The following COL23A1 variants were observed in gnomAD, a reference collection of about 807,000 sequenced individuals.
The protein encoded by COL23A1 is collagen alpha-1(XXIII) chain.
COL23A1 carries 97 observed loss-of-function variants against 99.3 expected under a neutral mutation model. That is an observed-to-expected ratio of 0.98 (90% CI 0.83 to 1.16). The LOEUF (loss-of-function observed/expected upper bound fraction) is 1.16, where lower values mean the gene tolerates loss of function less well. Ranked by LOEUF, COL23A1 falls within the 50% of genes most tolerant of loss-of-function variation. The probability of loss-of-function intolerance (pLI) is 0.00; values close to 1 mark genes in which losing one functional copy is unlikely to be tolerated. For synonymous variants in COL23A1, 320 were observed against 308.2 expected (o/e 1.04, Z -0.40); for missense variants, 762 against 757.4 (o/e 1.01, Z -0.07).
chr5:178,239,236 C>T (rs1019995099), intron 27 of COL23A1, 57 bp from the exon 28 acceptor site: 21 of 1,582,766 alleles, frequency 1.3e-5, no homozygotes, highest in Admixed American at 3.3e-5. Flanking sequence ...TCCTCTACAC[C>T]CCACATGCCC....
At chr5:178,264,321 T>C (rs1406146888) in intron 8 of COL23A1, among the ~76,000 whole-genome samples, 1 of 142,890 alleles carries the variant, frequency 7.0e-6, no homozygotes, top group Non-Finnish European at 1.5e-5. Flanking sequence ...AATCTACAAT[T>C]ATCTCAAAAT....
In COL23A1 at chr5:178,565,938, C is replaced by A. The variant is rs577034330; in HGVS notation, c.295-5190G>T. Among the ~76,000 whole-genome samples, 51 of 149,728 alleles carry A rather than the reference C, an allele frequency of 3.4e-4. 1 individual carries two copies. The South Asian group carries it at 9.0e-3, about 26-fold the overall frequency. The stretch of plus-strand genomic sequence containing the variant: ...GACTAGCCTGGCCAAAATGGTGAAA[C>A]CCCATCTCTACTAAAAAAAATACAA... On this transcript the variant is annotated intron_variant, in intron 1 of 28. Transcript: ENST00000390654.
rs1764140828 is a variant in COL23A1 at position 178,589,157 on chromosome 5, A to G, written c.294+747T>C. ...CAATCTTAACCCTTAGAAGTGTCAC[A>G]GAGCCTCATATGAGCTTTCAAGTAA... is the stretch of plus-strand genomic sequence containing the variant. On this transcript the variant is annotated intron_variant, in intron 1 of 28. Coordinates refer to ENST00000390654, the MANE Select transcript of COL23A1 (RefSeq NM_173465.4). This position sits in a 1 kb window ranked among gnomAD's most constrained non-coding sequence, Gnocchi z 5.4. 6.6e-6 allele frequency among the ~76,000 whole-genome samples: 1 copy of G among 152,220 alleles called. No individual in the cohort carries two copies. The highest frequency in any genetic ancestry group is 2.4e-5 in the African/African-American group (1 of 41,446).
At chr5:178,291,418 A>ATGGAGGCC (rs1411159119) in intron 3 of COL23A1, among the ~76,000 whole-genome samples, 2 of 152,244 alleles carry the variant, frequency 1.3e-5, no homozygotes, top group African/African-American at 4.8e-5. Flanking sequence ...CATGCATAGC[A>ATGGAGGCC]CAAGGGCCCT....
At chr5:178,285,070 C>T (rs1426184554) in intron 5 of COL23A1, among the ~76,000 whole-genome samples, 1 of 152,218 alleles carries the variant, frequency 6.6e-6, no homozygotes, top group Non-Finnish European at 1.5e-5. Context: ...GACAGGCCAG[C>T]CTCTGTACAC....
intron 2 of COL23A1, among the ~76,000 whole-genome samples, chr5:178,326,936 T>C (rs1759712953): frequency 6.6e-6 from 1 of 152,226 alleles, no homozygotes; most frequent in Admixed American, 6.5e-5. Context: ...GTCAGGCTGG[T>C]CTCGAACTCC....
rs554109960 is a variant in COL23A1, at chr5:178,287,852, T to C, written c.441+472A>G. Among the ~76,000 whole-genome samples, 126 of 152,316 alleles carry C rather than the reference T, an allele frequency of 8.3e-4. 2 individuals are homozygous for C. The highest frequency in any genetic ancestry group is 2.8e-3 in the African/African-American group (118 of 41,556). On this transcript the variant is annotated intron_variant, in intron 5 of 28. Coordinates refer to ENST00000390654, the MANE Select transcript of COL23A1 (RefSeq NM_173465.4). ...CACTTGGCCGGGGCTAGGACATCTATCCCAGGAATGCGCTAGCTTTTGGGT... is the reference window on the plus strand; with the variant it reads ...CACTTGGCCGGGGCTAGGACATCTACCCCAGGAATGCGCTAGCTTTTGGGT...
At chr5:178,394,005 C>T (rs1398265542) in intron 2 of COL23A1, among the ~76,000 whole-genome samples, 1 of 152,196 alleles carries the variant, frequency 6.6e-6, no homozygotes, top group South Asian at 2.1e-4. Context: ...ACCAGGTGCC[C>T]TGACAGAAGG....
intron 22 of COL23A1, 90 bp from the exon 23 acceptor site, chr5:178,246,543 G>T: frequency 7.6e-7 from 1 of 1,318,790 alleles, no homozygotes; most frequent in Non-Finnish European, 1.0e-6. Flanking sequence ...GAGCTGGGAT[G>T]TGGACAGAGG....
chr5:178,369,973 C>T (rs1235900171), intron 2 of COL23A1, among the ~76,000 whole-genome samples: 1 of 152,170 alleles, frequency 6.6e-6, no homozygotes, highest in African/African-American at 2.4e-5. Context: ...GCCCGAAGTA[C>T]TGAGTCACGT....
chr5:178,425,695 C>T (rs1044802632), intron 2 of COL23A1, among the ~76,000 whole-genome samples: 5 of 152,138 alleles, frequency 3.3e-5, no homozygotes, highest in South Asian at 2.1e-4. Context: ...TGGGAGAAGC[C>T]GCGGTGAATG....
chr5:178,527,787 A>C (rs1368872248), intron 2 of COL23A1, among the ~76,000 whole-genome samples: 2 of 152,214 alleles, frequency 1.3e-5, no homozygotes, highest in Non-Finnish European at 2.9e-5. Context: ...CAGCCTGGAT[A>C]CTGGAAACCT....
intron 2 of COL23A1, chr5:178,351,241 G>A (rs1348382382): frequency 1.3e-5 from 2 of 152,466 alleles, no homozygotes; most frequent in African/African-American, 4.8e-5. Flanking sequence ...ATCTAGGTGG[G>A]GAGAAAGGGA....
chr5:178,483,122 A>C (rs1293952033), intron 2 of COL23A1, among the ~76,000 whole-genome samples: 1 of 152,164 alleles, frequency 6.6e-6, no homozygotes, highest in African/African-American at 2.4e-5. Context: ...TGTTATGTAC[A>C]TTGTGCCAAA....
chr5:178,459,321 C>T (rs1755986846), intron 2 of COL23A1, among the ~76,000 whole-genome samples: 1 of 151,938 alleles, frequency 6.6e-6, no homozygotes, highest in Non-Finnish European at 1.5e-5. Flanking sequence ...AATTTGCTTC[C>T]AAATTACCCA....
intron 5 of COL23A1, among the ~76,000 whole-genome samples, chr5:178,284,983 T>C (rs906016055): frequency 6.6e-6 from 1 of 152,174 alleles, no homozygotes; most frequent in Non-Finnish European, 1.5e-5. Context: ...TTTTCTCCAT[T>C]GTCCAAATGT....
rs1160474889 is a variant in COL23A1, at chr5:178,415,460, C to T, written c.362-108541G>A. Among the ~76,000 whole-genome samples the T allele has an allele frequency of 6.6e-6, 1 of 152,080 alleles. No individual in the cohort carries two copies. The highest frequency in any genetic ancestry group is 1.5e-5 in the Non-Finnish European group (1 of 67,986). Reference sequence around the variant, plus strand: ...CGGGCCCGGGCCCTGGAGCACGGCTCACCCTGCTGCCTCTCTGCACAGGCT... The same window carrying T: ...CGGGCCCGGGCCCTGGAGCACGGCTTACCCTGCTGCCTCTCTGCACAGGCT... On this transcript the variant is annotated intron_variant, in intron 2 of 28. Coordinates refer to ENST00000390654, the MANE Select transcript of COL23A1 (RefSeq NM_173465.4). The surrounding 1 kb of genome is among the most constrained non-coding windows in gnomAD (Gnocchi z 4.6).
chr5:178,388,166 T>C (rs1390134780), intron 2 of COL23A1, among the ~76,000 whole-genome samples: 2 of 152,170 alleles, frequency 1.3e-5, no homozygotes, highest in Admixed American at 1.3e-4. Context: ...CTTTAACAGA[T>C]AATTTTTCAG....
chr5:178,290,081 G>A (rs563178188), intron 4 of COL23A1, among the ~76,000 whole-genome samples: 2 of 152,142 alleles, frequency 1.3e-5, no homozygotes, highest in Admixed American at 6.5e-5. Context: ...ACAGGCACCC[G>A]CCACCACGCC....
Sources: allele counts gnomAD v4.1 joint callset (sites outside exome capture counted in the v4.1 genomes callset), GRCh38; gene constraint gnomAD v4.1.1; non-coding constraint Gnocchi (gnomAD v3.1); transcripts MANE v1.5; gene names NCBI Gene and HGNC (gene_info 2026-07-23, HGNC 2026-07-21).